HLCS: variants seen among roughly 807,000 people sequenced by gnomAD.
HLCS encodes biotin--protein ligase.
HLCS carries 53 observed loss-of-function variants against 75.0 expected under a neutral mutation model. The ratio of observed to expected loss-of-function variants is 0.71; its 90% CI spans 0.57 to 0.89. HLCS has a LOEUF of 0.89. HLCS is among the 40% of genes least tolerant of loss of function. The pLI is 0.00. For synonymous variants in HLCS, 431 were observed against 428.6 expected, an observed-to-expected ratio of 1.01 and a Z score of -0.07; for missense variants, 966 against 1,074.0, an observed-to-expected ratio of 0.90 and a Z score of 1.41.
At chr21:36,986,663 C>T (rs1306007862) in intron 1 of HLCS, 1 of 152,272 alleles carries the variant, frequency 6.6e-6, no homozygotes, top group African/African-American at 2.4e-5. Context: ...GGTGATCCAC[C>T]CGCCTTGGCC....
chr21:36,848,142 G>T (rs2062860606), intron 6 of HLCS, among the ~76,000 whole-genome samples: 1 of 151,996 alleles, frequency 6.6e-6, no homozygotes. Flanking sequence ...CCTACAAACT[G>T]AATTGTTGGG....
At chr21:36,845,699 C>G (rs1446385236) in intron 6 of HLCS, among the ~76,000 whole-genome samples, 1 of 152,074 alleles carries the variant, frequency 6.6e-6, no homozygotes. Flanking sequence ...CAGTCCAGCT[C>G]AACATTACTA....
Position 36,962,035 on chromosome 21 carries a change from C to G in HLCS, c.330+1G>C. Reference sequence around the variant, plus strand: ...GGGACACAAGTAAACATGGTACTCACTGTTTCTGAAGAGGATGATCTCTGT... The same window carrying G: ...GGGACACAAGTAAACATGGTACTCAGTGTTTCTGAAGAGGATGATCTCTGT... On this transcript the variant is annotated splice_donor_variant, in intron 2 of 10. Coordinates refer to ENST00000674895, the MANE Select transcript of HLCS (RefSeq NM_001352514.2). LOFTEE classifies it high-confidence loss of function. 1 of 1,288,818 alleles carries G rather than the reference C, an allele frequency of 7.8e-7. No homozygotes were observed. Among genetic ancestry groups the G allele is most frequent in the South Asian group, 1.2e-5 (1 of 81,002 alleles). The allele number at this position is 1,288,818 out of a possible 1,614,324, so 79.8% of individuals were successfully genotyped here.
intron 6 of HLCS, among the ~76,000 whole-genome samples, chr21:36,858,672 G>A (rs780444815): frequency 6.6e-6 from 1 of 152,192 alleles, no homozygotes; most frequent in Non-Finnish European, 1.5e-5. Context: ...GTGGATGGAG[G>A]GTGCCTGCAG....
chr21:36,882,970 A>G (rs531778336), intron 6 of HLCS, among the ~76,000 whole-genome samples: 1 of 152,230 alleles, frequency 6.6e-6, no homozygotes, highest in East Asian at 1.9e-4. Context: ...CAATGACTTC[A>G]TCGTTTCCTT....
At chr21:36,937,656 C>T (rs993498827) in intron 3 of HLCS, among the ~76,000 whole-genome samples, 3 of 152,188 alleles carry the variant, frequency 2.0e-5, no homozygotes, top group Non-Finnish European at 2.9e-5. Flanking sequence ...GACCCTCTTA[C>T]GGAATGGTGA....
intron 6 of HLCS, among the ~76,000 whole-genome samples, chr21:36,778,804 A>G (rs577875114): frequency 2.0e-5 from 3 of 152,260 alleles, no homozygotes; most frequent in African/African-American, 7.2e-5. Flanking sequence ...AAATAGCCAC[A>G]TATCTGGCAA....
Position 36,980,968 on chromosome 21 carries a change from A to ATCCG in HLCS, c.-393+9186_-393+9189dup, listed in dbSNP as rs71328533. The stretch of plus-strand genomic sequence containing the variant: ...TCAGGCCCTGCCTCGCCAGCACGGC[A>ATCCG]TCCGCGGGGGATCCCTACCTGTCCT... On this transcript the variant is annotated intron_variant, in intron 1 of 11. Transcript: ENST00000336648. 56,817 of 152,492 alleles carry ATCCG rather than the reference A, an allele frequency of 0.37. 10,762 individuals are homozygous for ATCCG. The highest frequency in any genetic ancestry group is 0.43 in the Admixed American group (6,607 of 15,286). 9.4% of individuals were successfully genotyped at this position (152,492 alleles called of 1,614,324 possible).
Position 36,986,512 on chromosome 21 carries a change from G to A in HLCS, c.-393+3646C>T, listed in dbSNP as rs560435722. Among the ~76,000 whole-genome samples, 10 of 152,252 alleles carry A rather than the reference G, an allele frequency of 6.6e-5. No individual in the cohort carries two copies. The East Asian group carries it at 7.7e-4, about 12-fold the overall frequency. ...CAGCTCACCACAACCTCCGCCTCCC[G>A]GGTTCAAGTCATTCTCCTGCCTCAG... On this transcript the variant is annotated intron_variant, in intron 1 of 11. Coordinates refer to the HLCS transcript ENST00000336648.
chr21:36,955,841 T>C (rs554619573), intron 2 of HLCS, among the ~76,000 whole-genome samples: 3 of 152,306 alleles, frequency 2.0e-5, no homozygotes, highest in African/African-American at 7.2e-5. Context: ...AGGTGTACTG[T>C]TTTTTATCTT....
chr21:36,794,481 T>C (rs974082111), intron 6 of HLCS, among the ~76,000 whole-genome samples: 4 of 151,918 alleles, frequency 2.6e-5, no homozygotes, highest in African/African-American at 4.8e-5. Context: ...CTCAGTGGGA[T>C]TGGAGAGGAA....
rs1049269527 is a variant in HLCS, at chr21:36,750,011, C to G, written c.*4235G>C. The G allele has an allele frequency of 6.6e-6, 1 of 152,164 alleles. No homozygotes were observed. The highest frequency in any genetic ancestry group is 2.4e-5 in the African/African-American group (1 of 41,430). The allele number at this position is 152,164 out of a possible 1,614,324, so 9.4% of individuals were successfully genotyped here. On this transcript the variant is annotated 3_prime_UTR_variant, in exon 11 of 11. Coordinates refer to ENST00000674895, the MANE Select transcript of HLCS (RefSeq NM_001352514.2). ...TCTAAACAAACTTCGTTTTCATAAC[C>G]TAGAACATGAAGGAAGATTCTTACA... is the stretch of plus-strand genomic sequence containing the variant.
chr21:36,757,962 T>C (rs1189512980), intron 9 of HLCS, among the ~76,000 whole-genome samples: 2 of 152,184 alleles, frequency 1.3e-5, no homozygotes, highest in Non-Finnish European at 2.9e-5. Flanking sequence ...TTAGGCTATG[T>C]CCTTCTAAGG....
intron 6 of HLCS, among the ~76,000 whole-genome samples, chr21:36,843,281 A>ATTC (rs2062678048): frequency 1.3e-5 from 2 of 152,252 alleles, no homozygotes; most frequent in African/African-American, 4.8e-5. Flanking sequence ...TCCACAAAAA[A>ATTC]TAAAAAATTA....
At chr21:36,925,887 T>TA (rs1169744067) in intron 5 of HLCS, among the ~76,000 whole-genome samples, 1 of 152,232 alleles carries the variant, frequency 6.6e-6, no homozygotes, top group African/African-American at 2.4e-5. Flanking sequence ...TAAAATCTAT[T>TA]AAAATGTTTC....
At chr21:36,847,548 A>G in intron 6 of HLCS, among the ~76,000 whole-genome samples, 1 of 146,124 alleles carries the variant, frequency 6.8e-6, no homozygotes, top group East Asian at 1.9e-4. Flanking sequence ...ACTGTCAATT[A>G]AAAAAAGTTC....
intron 6 of HLCS, among the ~76,000 whole-genome samples, chr21:36,843,676 A>C (rs1386039314): frequency 2.0e-5 from 3 of 152,152 alleles, no homozygotes; most frequent in Non-Finnish European, 2.9e-5. Context: ...CTGGAAAACA[A>C]AAGTTTCTGA....
chr21:36,766,232 CCA>C (rs2145772855), intron 7 of HLCS, among the ~76,000 whole-genome samples: 1 of 151,816 alleles, frequency 6.6e-6, no homozygotes, highest in South Asian at 2.1e-4. Flanking sequence ...CTAAGTTGTC[CCA>C]GCTGGTCTTG....
chr21:36,826,952 T>C (rs1244296123), intron 6 of HLCS, among the ~76,000 whole-genome samples: 1 of 152,124 alleles, frequency 6.6e-6, no homozygotes. Flanking sequence ...AGCCTGATTA[T>C]AGGCAAAAGA....
Sources: allele counts gnomAD v4.1 joint callset (sites outside exome capture counted in the v4.1 genomes callset), GRCh38; gene constraint gnomAD v4.1.1; transcripts MANE v1.5; gene names NCBI Gene and HGNC (gene_info 2026-07-23, HGNC 2026-07-21).